Variants in KCNN2 observed in about 807,000 individuals in gnomAD.
KCNN2 encodes small conductance calcium-activated potassium channel protein 2.
A neutral mutation model predicts 55.5 loss-of-function variants in KCNN2; 24 were observed. The observed-to-expected ratio is 0.43, with a 90% confidence interval of 0.31 to 0.61. The LOEUF (loss-of-function observed/expected upper bound fraction) is 0.61, where lower values mean the gene tolerates loss of function less well. Ranked by LOEUF, KCNN2 falls within the 20% of genes least tolerant of loss-of-function variation. KCNN2 has a pLI of 0.08. For missense variants in KCNN2, 754 were observed against 853.6 expected, an observed-to-expected ratio of 0.88 and a Z score of 1.45; for synonymous variants, 431 against 336.1, an observed-to-expected ratio of 1.28 and a Z score of -3.09.
chr5:114,152,339 A>G (rs1436856299), intron 1 of KCNN2, among the ~76,000 whole-genome samples: 1 of 152,236 alleles, frequency 6.6e-6, no homozygotes, highest in African/African-American at 2.4e-5. Flanking sequence ...CTAACGTCAT[A>G]CTATTCTTGA....
chr5:114,276,406 T>C (rs903113400), intron 2 of KCNN2, among the ~76,000 whole-genome samples: 16 of 152,140 alleles, frequency 1.1e-4, no homozygotes, highest in Non-Finnish European at 2.2e-4. Flanking sequence ...GTCCCATTGG[T>C]GTGTCTAATA....
intron 1 of KCNN2, among the ~76,000 whole-genome samples, chr5:114,190,042 C>T (rs1427524374): frequency 2.0e-5 from 3 of 151,542 alleles, no homozygotes; most frequent in Non-Finnish European, 4.4e-5. Context: ...TTCTTTAAAA[C>T]AAGATGAAAA....
chr5:114,219,432 G>A (rs922400658), intron 1 of KCNN2, among the ~76,000 whole-genome samples: 2 of 152,102 alleles, frequency 1.3e-5, no homozygotes, highest in African/African-American at 2.4e-5. Flanking sequence ...GTGGCTCTCC[G>A]CAGGAAGGGG....
intron 2 of KCNN2, among the ~76,000 whole-genome samples, chr5:114,339,275 C>G (rs1000236937): frequency 6.6e-6 from 1 of 152,178 alleles, no homozygotes; most frequent in East Asian, 1.9e-4. Flanking sequence ...ACCCCGGCCC[C>G]CTTTCCAGGC....
intron 1 of KCNN2, among the ~76,000 whole-genome samples, chr5:114,214,682 C>T (rs1479186534): frequency 6.6e-6 from 1 of 152,008 alleles, no homozygotes; most frequent in Non-Finnish European, 1.5e-5. Context: ...GGCTCAGATG[C>T]CTTCTTTCAA....
chr5:114,362,508 C>G lies in KCNN2; in HGVS notation c.369C>G (p.Ser123Arg). 2.0e-6 allele frequency: 1 copy of G among 491,368 alleles called. No individual in the cohort carries two copies. The highest frequency in any genetic ancestry group is 3.5e-6 in the Non-Finnish European group (1 of 284,256). 30.4% of individuals were successfully genotyped at this position (491,368 alleles called of 1,614,324 possible). The part of the protein sequence containing the change: ...CCCCCSSRRG[S>R]QLNVSELTPS... ...GCTGCTGCTCGTCGCGCCGGGGCAG[C>G]CAGCTCAATGTGAGCGAGCTGACGC... The change falls in exon 1 of 8, where the codon AGC (serine) becomes AGG (arginine). Residue 123 changes from serine (S) to arginine (R), a missense_variant. Coordinates refer to ENST00000673685, the MANE Select transcript of KCNN2 (RefSeq NM_021614.4).
intron 1 of KCNN2, among the ~76,000 whole-genome samples, chr5:114,139,461 C>A (rs1253546806): frequency 6.7e-6 from 1 of 148,910 alleles, no homozygotes; most frequent in Non-Finnish European, 1.5e-5. Context: ...ACACAACCAC[C>A]CCCCCCACAC....
At chr5:114,120,621 G>A (rs559116905) in intron 1 of KCNN2, among the ~76,000 whole-genome samples, 1 of 152,148 alleles carries the variant, frequency 6.6e-6, no homozygotes, top group Non-Finnish European at 1.5e-5. Context: ...TGATGCAAAG[G>A]GGGAGGCCAA....
At position 114,422,149 on chromosome 5, in the gene KCNN2, G is replaced by A. The variant is rs867849066; in HGVS notation, c.1637+17293G>A. 2.0e-5 allele frequency among the ~76,000 whole-genome samples: 3 copies of A among 152,300 alleles called. No individual in the cohort carries two copies. The South Asian group carries it at 6.2e-4, about 32-fold the overall frequency. The stretch of plus-strand genomic sequence containing the variant: ...GTTAATCAGAAAGCGAACTTGTGCT[G>A]CTACAGGAGATGTCTCAAATCAAGG... On this transcript the variant is annotated intron_variant, in intron 3 of 7. Transcript: ENST00000673685.
chr5:114,163,210 T>C (rs13161556), intron 1 of KCNN2, among the ~76,000 whole-genome samples: 64,106 of 151,926 alleles, frequency 0.42, 14,631 homozygotes, highest in Middle Eastern at 0.54. Flanking sequence ...TGGGGTTTTC[T>C]AGATGTAGGA....
chr5:114,357,160 A>C (rs1446172358), upstream of KCNN2, among the ~76,000 whole-genome samples: 1 of 152,178 alleles, frequency 6.6e-6, no homozygotes, highest in South Asian at 2.1e-4. Flanking sequence ...AAAAACACCC[A>C]AAGTCAAGAG....
intron 1 of KCNN2, among the ~76,000 whole-genome samples, chr5:114,220,699 G>C (rs1351627913): frequency 6.6e-6 from 1 of 151,804 alleles, no homozygotes; most frequent in African/African-American, 2.4e-5. Flanking sequence ...ATAATAAATA[G>C]CAAGACACAG....
chr5:114,257,735 A>T (rs1012127923), intron 2 of KCNN2, among the ~76,000 whole-genome samples: 3 of 152,188 alleles, frequency 2.0e-5, no homozygotes, highest in African/African-American at 7.2e-5. Context: ...TTTATCAGAT[A>T]TAGAAGTTTT....
At chr5:114,148,828 A>AGG (rs745697020) in intron 1 of KCNN2, among the ~76,000 whole-genome samples, 1 of 152,112 alleles carries the variant, frequency 6.6e-6, no homozygotes, top group African/African-American at 2.4e-5. Flanking sequence ...CATGATCAGA[A>AGG]GGAGGACTAG....
intron 2 of KCNN2, among the ~76,000 whole-genome samples, chr5:114,255,619 T>C (rs1754966178): frequency 6.6e-6 from 1 of 152,076 alleles, no homozygotes; most frequent in Non-Finnish European, 1.5e-5. Flanking sequence ...GAAGGAACCA[T>C]CGTATACAAG....
At chr5:114,472,549 A>C (rs5010455) in intron 4 of KCNN2, among the ~76,000 whole-genome samples, 122,628 of 151,376 alleles carry the variant, frequency 0.81, 49,990 homozygotes, top group East Asian at 0.96. Flanking sequence ...TGTGTGGAAC[A>C]CTGAAGCAGT....
intron 1 of KCNN2, among the ~76,000 whole-genome samples, chr5:114,078,039 A>T (rs1750720871): frequency 6.6e-6 from 1 of 152,206 alleles, no homozygotes; most frequent in Non-Finnish European, 1.5e-5. Context: ...TACTTGAGGA[A>T]AACGATCAGT....
At chr5:114,208,265 T>G (rs1267762826) in intron 1 of KCNN2, among the ~76,000 whole-genome samples, 1 of 152,186 alleles carries the variant, frequency 6.6e-6, no homozygotes, top group Non-Finnish European at 1.5e-5. Context: ...CTACTTTATC[T>G]CCCACTCTTA....
chr5:114,419,494 C>G (rs971444121), intron 3 of KCNN2, among the ~76,000 whole-genome samples: 1 of 152,162 alleles, frequency 6.6e-6, no homozygotes, highest in Non-Finnish European at 1.5e-5. Flanking sequence ...TTTGTTATAG[C>G]TTAAATCTGG....
Sources: gnomAD v4.1 joint callset for allele counts (sites outside exome capture counted in the v4.1 genomes callset) on GRCh38, gnomAD v4.1.1 for gene constraint, MANE v1.5 for transcripts, NCBI Gene and HGNC (gene_info 2026-07-23, HGNC 2026-07-21) for gene names.